The following ESRRG variants were observed in gnomAD, a reference collection of about 807,000 sequenced individuals.
ESRRG encodes estrogen-related receptor gamma.
ESRRG carries 13 observed loss-of-function variants against 44.0 expected under a neutral mutation model. The ratio of observed to expected loss-of-function variants is 0.30; its 90% CI spans 0.19 to 0.47. ESRRG has a LOEUF of 0.47. ESRRG is among the 20% of genes least tolerant of loss of function. The pLI is 1.00. For missense variants in ESRRG, 395 were observed against 580.6 expected (o/e 0.68, Z 3.29); for synonymous variants, 215 against 214.6 (o/e 1.00, Z -0.02).
At chr1:217,034,050 C>T (rs2151051941) in intron 1 of ESRRG, among the ~76,000 whole-genome samples, 1 of 152,290 alleles carries the variant, frequency 6.6e-6, no homozygotes, top group East Asian at 1.9e-4. Flanking sequence ...AAACAACAAT[C>T]ATCCTGAATG....
intron 3 of ESRRG, among the ~76,000 whole-genome samples, chr1:216,600,958 T>A (rs1423038300): frequency 6.6e-6 from 1 of 152,144 alleles, no homozygotes; most frequent in Non-Finnish European, 1.5e-5. Context: ...CTGTTGATGA[T>A]AAAATAGCAT....
chr1:216,708,539 G>A (rs1488774164), intron 1 of ESRRG, among the ~76,000 whole-genome samples: 1 of 152,144 alleles, frequency 6.6e-6, no homozygotes, highest in African/African-American at 2.4e-5. Flanking sequence ...AGCTACAATG[G>A]TGAGCATTAA....
chr1:217,036,128 T>G (rs1013430923), intron 1 of ESRRG, among the ~76,000 whole-genome samples: 9 of 152,108 alleles, frequency 5.9e-5, no homozygotes, highest in Admixed American at 2.0e-4. Flanking sequence ...CTCAAGCCAG[T>G]CAGAATGGGT....
In ESRRG at chr1:216,738,728, A is replaced by AT. The variant is rs2090292537; in HGVS notation, c.-13-61238_-13-61237insA. Among the ~76,000 whole-genome samples, 9 of 152,288 alleles carry AT rather than the reference A, an allele frequency of 5.9e-5. No homozygotes were observed. In the South Asian group the frequency reaches 1.7e-3, roughly 28 times the overall value. On this transcript the variant is annotated intron_variant, in intron 2 of 7. Coordinates refer to the ESRRG transcript ENST00000359162. ...AAGATGAAGCAGCGTGCACTTATAA[A>AT]CAAAAAAAATTCTAGGACTCTCAAA...
At chr1:216,803,152 G>A (rs1012221540) in intron 2 of ESRRG, among the ~76,000 whole-genome samples, 6 of 152,070 alleles carry the variant, frequency 3.9e-5, no homozygotes, top group Non-Finnish European at 7.4e-5. Flanking sequence ...TGGTAAGAAC[G>A]TGGGGTGGAT....
intron 1 of ESRRG, among the ~76,000 whole-genome samples, chr1:217,002,502 T>C (rs754375263): frequency 1.1e-4 from 17 of 152,038 alleles, no homozygotes; most frequent in Non-Finnish European, 2.5e-4. Flanking sequence ...ATATACAGTA[T>C]ATTAATACTG....
chr1:217,009,259 AT>A (rs2078196798), intron 1 of ESRRG, among the ~76,000 whole-genome samples: 1 of 152,156 alleles, frequency 6.6e-6, no homozygotes, highest in South Asian at 2.1e-4. Flanking sequence ...TGGTCGACTT[AT>A]TTTTTTAATG....
chr1:216,981,247 T>C (rs1004861022), intron 1 of ESRRG, among the ~76,000 whole-genome samples: 1 of 152,206 alleles, frequency 6.6e-6, no homozygotes, highest in African/African-American at 2.4e-5. Flanking sequence ...AATGAAAAAC[T>C]ATAATTTGTC....
At chr1:216,855,596 G>T (rs554111872) in intron 2 of ESRRG, among the ~76,000 whole-genome samples, 1 of 152,308 alleles carries the variant, frequency 6.6e-6, no homozygotes, top group African/African-American at 2.4e-5. Flanking sequence ...GCCGCAACGA[G>T]ACTGCCAAGG....
intron 3 of ESRRG, among the ~76,000 whole-genome samples, chr1:216,616,792 C>T (rs1358268121): frequency 6.6e-6 from 1 of 152,118 alleles, no homozygotes; most frequent in African/African-American, 2.4e-5. Flanking sequence ...AGGTTTTCAC[C>T]TTTGCCTGTA....
At chr1:216,999,091 A>T (rs1445035277) in intron 1 of ESRRG, among the ~76,000 whole-genome samples, 2 of 152,202 alleles carry the variant, frequency 1.3e-5, no homozygotes, top group Non-Finnish European at 2.9e-5. Context: ...GCTGTGGATC[A>T]GTGGCTTGGG....
intron 2 of ESRRG, among the ~76,000 whole-genome samples, chr1:216,750,457 A>T (rs954318149): frequency 6.6e-6 from 1 of 152,162 alleles, no homozygotes; most frequent in Non-Finnish European, 1.5e-5. Context: ...CTTTTAAAAA[A>T]ATATCTCCTG....
At chr1:216,513,216 A>AAG (rs746715825) in intron 6 of ESRRG, among the ~76,000 whole-genome samples, 3 of 152,098 alleles carry the variant, frequency 2.0e-5, no homozygotes, top group Non-Finnish European at 4.4e-5. Flanking sequence ...TATAGATAAA[A>AAG]AGAGAGAGAG....
intron 2 of ESRRG, among the ~76,000 whole-genome samples, chr1:216,898,767 A>G (rs2058721484): frequency 6.6e-6 from 1 of 152,096 alleles, no homozygotes; most frequent in Non-Finnish European, 1.5e-5. Flanking sequence ...CCAAGTCATC[A>G]ATGGAGCCTA....
intron 2 of ESRRG, among the ~76,000 whole-genome samples, chr1:216,735,619 T>C (rs1298529121): frequency 6.6e-6 from 1 of 152,166 alleles, no homozygotes; most frequent in Admixed American, 6.5e-5. Context: ...TTTCAATCTT[T>C]AACATTACAT....
intron 5 of ESRRG, among the ~76,000 whole-genome samples, chr1:216,544,998 G>T (rs1366915856): frequency 4.0e-5 from 6 of 151,768 alleles, no homozygotes; most frequent in African/African-American, 1.5e-4. Context: ...GTAATTGCCT[G>T]GTATTTATGC....
intron 2 of ESRRG, among the ~76,000 whole-genome samples, chr1:216,825,088 G>A (rs368400107): frequency 6.6e-6 from 1 of 152,046 alleles, no homozygotes; most frequent in Non-Finnish European, 1.5e-5. Flanking sequence ...TCAGTTTCTA[G>A]TCCCACACCA....
At position 216,519,281 on chromosome 1, in the gene ESRRG, C is replaced by A; in HGVS notation, c.1003G>T (p.Asp335Tyr). 10 of 1,613,878 alleles carry A rather than the reference C, an allele frequency of 6.2e-6. No individual in the cohort carries two copies. The highest frequency in any genetic ancestry group is 8.5e-6 in the Non-Finnish European group (10 of 1,179,874). Residue 335 changes from aspartate to tyrosine, a missense_variant, in exon 6 of 7, where the codon GAC (aspartate) becomes TAC (tyrosine). This residue lies in a region of ESRRG where 167 missense variants were observed against 251.8 expected (regional missense o/e 0.66). Coordinates refer to ENST00000408911, the MANE Select transcript of ESRRG (RefSeq NM_001438.4). ...AGAAGGCCTGCTAATTTGGACTGGT[C>A]TTCGTCCATTATATAATCGTCTGCA... Reference protein sequence around the residue: ...VYADDYIMDEDQSKLAGLLDL... With the variant: ...VYADDYIMDEYQSKLAGLLDL...
chr1:216,549,990 C>T lies in ESRRG; in HGVS notation c.862+14229G>A, dbSNP rs78467652. Among the ~76,000 whole-genome samples, 435 of 152,084 alleles carry T rather than the reference C, an allele frequency of 2.9e-3. 4 individuals are homozygous for T. The highest frequency in any genetic ancestry group is 2.1e-3 in the Non-Finnish European group (141 of 67,974). On this transcript the variant is annotated intron_variant, in intron 5 of 6. Coordinates refer to ENST00000408911, the MANE Select transcript of ESRRG (RefSeq NM_001438.4). The stretch of plus-strand genomic sequence containing the variant: ...TTGGCATCTGACTGCAACAGCCGTG[C>T]GGAAGTCAGTTCAAGTCCTTACATC...
Sources: allele counts gnomAD v4.1 joint callset (sites outside exome capture counted in the v4.1 genomes callset), GRCh38; gene constraint gnomAD v4.1.1; regional missense constraint gnomAD v4.1.1; transcripts MANE v1.5; gene names NCBI Gene and HGNC (gene_info 2026-07-23, HGNC 2026-07-21).